The following CDH19 variants were observed in gnomAD, a reference collection of about 807,000 sequenced individuals.
The protein encoded by CDH19 is cadherin 19.
CDH19 carries 67 observed loss-of-function variants against 64.2 expected under a neutral mutation model. That is an observed-to-expected ratio of 1.04 (90% CI 0.86 to 1.28). CDH19 has a LOEUF of 1.28. CDH19 is among the 50% of genes most tolerant of loss of function. The pLI is 0.00. For synonymous variants in CDH19, 346 were observed against 319.3 expected, an observed-to-expected ratio of 1.08 and a Z score of -0.89; for missense variants, 1,030 against 929.0, an observed-to-expected ratio of 1.11 and a Z score of -1.41.
chr18:66,549,979 A>G (rs995011961), intron 5 of CDH19, among the ~76,000 whole-genome samples: 2 of 152,098 alleles, frequency 1.3e-5, no homozygotes, highest in African/African-American at 4.8e-5. Context: ...ACTTTGAGGA[A>G]TGGGGCAAGG....
chr18:66,542,546 AAC>A (rs933594915), intron 7 of CDH19, among the ~76,000 whole-genome samples: 7 of 152,134 alleles, frequency 4.6e-5, no homozygotes, highest in East Asian at 3.8e-4. Context: ...AACTGAAAAT[AAC>A]AGACTATTTT....
At chr18:66,505,802 A>G (rs1301474541) in intron 11 of CDH19, among the ~76,000 whole-genome samples, 7 of 151,734 alleles carry the variant, frequency 4.6e-5, no homozygotes, top group African/African-American at 1.7e-4. Context: ...TTCTAAATTA[A>G]TATGTATTGA....
At position 66,543,468 on chromosome 18, in the gene CDH19, G is replaced by T. The variant is rs576055952; in HGVS notation, c.1214+503C>A. On this transcript the variant is annotated intron_variant, in intron 7 of 11. Coordinates refer to ENST00000262150, the MANE Select transcript of CDH19 (RefSeq NM_021153.4). ...TTTAATTGGTAATTGCCTCCTTCTT[G>T]CACGTGTTTGAAATCACCAATTTTA... Among the ~76,000 whole-genome samples the T allele has an allele frequency of 1.2e-4, 18 of 152,188 alleles. No homozygotes were observed. The East Asian group carries it at 2.7e-3, about 23-fold the overall frequency.
At chr18:66,597,295 T>A (rs1289343179) in intron 1 of CDH19, among the ~76,000 whole-genome samples, 1 of 151,386 alleles carries the variant, frequency 6.6e-6, no homozygotes, top group South Asian at 2.1e-4. Context: ...TTAGAGAACC[T>A]AGAGGCTGCA....
intron 3 of CDH19, among the ~76,000 whole-genome samples, chr18:66,555,205 C>T (rs1016230330): frequency 6.6e-6 from 1 of 151,594 alleles, no homozygotes; most frequent in Admixed American, 6.6e-5. Flanking sequence ...AATATTTATT[C>T]AAAAATATTG....
chr18:66,543,048 C>T lies in CDH19; in HGVS notation c.1214+923G>A, dbSNP rs918990743. ...AGCCACTTTTTTGTTGTCGTTGAGA[C>T]GGAGTCTCGCTTTGTCACCCAGGCC... On this transcript the variant is annotated intron_variant, in intron 7 of 11. Coordinates refer to ENST00000262150, the MANE Select transcript of CDH19 (RefSeq NM_021153.4). Among the ~76,000 whole-genome samples the T allele has an allele frequency of 4.6e-5, 7 of 152,136 alleles. No homozygotes were observed. The South Asian group carries it at 6.2e-4, about 13-fold the overall frequency.
Position 66,568,409 on chromosome 18 carries a change from G to A in CDH19, c.490+7C>T. ...ATATATCTTTGATGTAAATTAATAT[G>A]CAATACCTTCTGGAGACATCTCTGG... is the stretch of plus-strand genomic sequence containing the variant. On this transcript the variant is annotated splice_region_variant and intron_variant, in intron 3 of 11. Coordinates refer to ENST00000262150, the MANE Select transcript of CDH19 (RefSeq NM_021153.4). 1 of 1,598,350 alleles carries A rather than the reference G, an allele frequency of 6.3e-7. No homozygotes were observed. Among genetic ancestry groups the A allele is most frequent in the African/African-American group, 1.3e-5 (1 of 74,188 alleles).
intron 1 of CDH19, among the ~76,000 whole-genome samples, chr18:66,584,526 TA>T (rs1350989446): frequency 6.6e-6 from 1 of 152,046 alleles, no homozygotes; most frequent in Non-Finnish European, 1.5e-5. Context: ...CACAAATGAA[TA>T]CAAATAATTC....
chr18:66,559,361 T>C (rs542331966), intron 3 of CDH19, among the ~76,000 whole-genome samples: 52 of 152,126 alleles, frequency 3.4e-4, no homozygotes, highest in African/African-American at 1.3e-3. Context: ...TTATATTTAA[T>C]TGTGAAGAGT....
chr18:66,517,568 A>ATAGGTATTTGAGTAAATGT (rs1248420838), intron 9 of CDH19, among the ~76,000 whole-genome samples: 2 of 151,966 alleles, frequency 1.3e-5, no homozygotes, highest in Non-Finnish European at 2.9e-5. Flanking sequence ...GTTTACCCAC[A>ATAGGTATTTGAGTAAATGT]TAGGTATTTG....
chr18:66,568,588 A>G lies in CDH19; in HGVS notation c.318T>C (p.Asp106=), dbSNP rs771478259. The G allele has an allele frequency of 8.7e-6, 14 of 1,612,220 alleles. No homozygotes were observed. Among genetic ancestry groups the G allele is most frequent in the East Asian group, 6.7e-5 (3 of 44,796 alleles). The change falls in exon 3 of 12, where the codon GAT becomes GAC. Residue 106 remains aspartate (D), a synonymous_variant. Coordinates refer to ENST00000262150, the MANE Select transcript of CDH19 (RefSeq NM_021153.4). ...AGATGTAGAGGGATCGCTCCTCTCT[A>G]TCAAGCTTCTGTATGGCATATATGT... ...TGDIYAIQKL[D]REERSLYILR... is the part of the protein sequence containing the mutation.
At chr18:66,529,039 A>G (rs1986332225) in intron 9 of CDH19, among the ~76,000 whole-genome samples, 1 of 152,032 alleles carries the variant, frequency 6.6e-6, no homozygotes, top group Non-Finnish European at 1.5e-5. Flanking sequence ...TATGTACCAG[A>G]GCTTAGAAGT....
In CDH19 at chr18:66,516,994, CATA is replaced by C. The variant is rs1985767963; in HGVS notation, c.1459-5312_1459-5310del. 2.0e-5 allele frequency among the ~76,000 whole-genome samples: 3 copies of C among 151,970 alleles called. No homozygotes were observed. The South Asian group carries it at 6.2e-4, about 32-fold the overall frequency. The stretch of plus-strand genomic sequence containing the variant: ...CTTTTTTTCTTGCAAAACTTGATAT[CATA>C]ATAATTTTCCTAGGGATACTGAAGA... On this transcript the variant is annotated intron_variant, in intron 9 of 11. Coordinates refer to ENST00000262150, the MANE Select transcript of CDH19 (RefSeq NM_021153.4).
rs1427878513 is a variant in CDH19 at position 66,503,348 on chromosome 18, T to TA, written c.*1463dup. 6.6e-6 allele frequency: 1 copy of TA among 151,744 alleles called. No homozygotes were observed. The highest frequency in any genetic ancestry group is 6.6e-5 in the Admixed American group (1 of 15,206). 9.4% of individuals were successfully genotyped at this position (151,744 alleles called of 1,614,324 possible). A position where few individuals can be genotyped will look rare whatever the true frequency, so the allele number is the denominator to read the frequency against. On this transcript the variant is annotated 3_prime_UTR_variant, in exon 12 of 12. Coordinates refer to ENST00000262150, the MANE Select transcript of CDH19 (RefSeq NM_021153.4). Reference sequence around the variant, plus strand: ...TTGCACCTAATTTTATATTCAATAATAAAAAAATGACACTGAAGCATCAGT... The same window carrying TA: ...TTGCACCTAATTTTATATTCAATAATAAAAAAAATGACACTGAAGCATCAGT...
At chr18:66,543,661 G>T (rs1350706615) in intron 7 of CDH19, among the ~76,000 whole-genome samples, 1 of 152,016 alleles carries the variant, frequency 6.6e-6, no homozygotes, top group Non-Finnish European at 1.5e-5. Flanking sequence ...GAGGCCGGTG[G>T]ATCACGAGGT....
chr18:66,509,395 A>G, intron 10 of CDH19, 149 bp from the exon 11 acceptor site: 1 of 598,094 alleles, frequency 1.7e-6, no homozygotes, highest in Non-Finnish European at 2.9e-6. Flanking sequence ...GAAGACAACT[A>G]AAACATCCAC....
At chr18:66,536,939 A>G (rs937542907) in intron 7 of CDH19, among the ~76,000 whole-genome samples, 1 of 151,856 alleles carries the variant, frequency 6.6e-6, no homozygotes, top group Non-Finnish European at 1.5e-5. Flanking sequence ...TACCATCATG[A>G]CCTCAGCAAA....
chr18:66,600,477 CA>C (rs1989010670), intron 1 of CDH19, among the ~76,000 whole-genome samples: 1 of 151,744 alleles, frequency 6.6e-6, no homozygotes, highest in Non-Finnish European at 1.5e-5. Context: ...TCATAAAAAT[CA>C]TATTTGTGAG....
chr18:66,592,517 C>A (rs572136563), intron 1 of CDH19, among the ~76,000 whole-genome samples: 61 of 151,822 alleles, frequency 4.0e-4, no homozygotes, highest in Non-Finnish European at 7.8e-4. Flanking sequence ...ATCTATTAAA[C>A]AATCTTTCCC....
Sources: gnomAD v4.1 joint callset for allele counts (sites outside exome capture counted in the v4.1 genomes callset) on GRCh38, gnomAD v4.1.1 for gene constraint, MANE v1.5 for transcripts, NCBI Gene and HGNC (gene_info 2026-07-23, HGNC 2026-07-21) for gene names.